The following GSG1L variants were observed in gnomAD, a reference collection of about 807,000 sequenced individuals.
GSG1L encodes germ cell-specific gene 1-like protein.
Under a neutral mutation model 42.1 loss-of-function variants are expected in GSG1L, and 24 were observed. The ratio of observed to expected loss-of-function variants is 0.57; its 90% CI spans 0.41 to 0.80. The LOEUF is 0.80. GSG1L is among the 30% of genes least tolerant of loss of function. The pLI is 0.00. For missense variants in GSG1L, 445 were observed against 472.2 expected (o/e 0.94, Z 0.53); for synonymous variants, 215 against 203.5 (o/e 1.06, Z -0.48).
At chr16:27,869,881 C>G (rs2083791128) in intron 3 of GSG1L, among the ~76,000 whole-genome samples, 2 of 134,958 alleles carry the variant, frequency 1.5e-5, no homozygotes, top group Admixed American at 1.5e-4. Context: ...CTCCATCTCT[C>G]TGTCTCTGTC....
chr16:27,862,068 G>A (rs565107782), intron 3 of GSG1L, among the ~76,000 whole-genome samples: 2 of 152,274 alleles, frequency 1.3e-5, no homozygotes, highest in African/African-American at 2.4e-5. Context: ...CGTTTATTAA[G>A]GTTATGAAGG....
chr16:27,820,765 TC>T (rs2083143032), intron 5 of GSG1L, among the ~76,000 whole-genome samples: 1 of 151,622 alleles, frequency 6.6e-6, no homozygotes, highest in Admixed American at 6.6e-5. Flanking sequence ...CCATCTCCTC[TC>T]TCTTAGAAGA....
intron 2 of GSG1L, among the ~76,000 whole-genome samples, chr16:27,961,118 A>AT (rs2085066022): frequency 6.6e-6 from 1 of 152,244 alleles, no homozygotes; most frequent in Non-Finnish European, 1.5e-5. Flanking sequence ...ACCTGTGCTT[A>AT]TGCACACATG....
At chr16:27,883,471 CT>C (rs1203848983) in intron 3 of GSG1L, among the ~76,000 whole-genome samples, 1 of 152,096 alleles carries the variant, frequency 6.6e-6, no homozygotes, top group Non-Finnish European at 1.5e-5. Flanking sequence ...ACATTTTGAT[CT>C]GTGGCATGTG....
At chr16:27,988,772 G>A (rs1289836826) in intron 1 of GSG1L, among the ~76,000 whole-genome samples, 1 of 149,022 alleles carries the variant, frequency 6.7e-6, no homozygotes, top group Non-Finnish European at 1.5e-5. Flanking sequence ...AAAAAGGAGA[G>A]GGCTGGGCCT....
rs1487849820 is a variant in GSG1L, at chr16:28,040,456, T to A, written c.349+22620A>T. Among the ~76,000 whole-genome samples, 1 of 152,172 alleles carries A rather than the reference T, an allele frequency of 6.6e-6. No homozygotes were observed. Among genetic ancestry groups the A allele is most frequent in the African/African-American group, 2.4e-5 (1 of 41,446 alleles). The stretch of plus-strand genomic sequence containing the variant: ...TGCCTCACCACATACTCCCCCAGAA[T>A]TAATTACGAATTCGGAAGAGTAGAG... On this transcript the variant is annotated intron_variant, in intron 1 of 6. Coordinates refer to ENST00000447459, the MANE Select transcript of GSG1L (RefSeq NM_001109763.2). The surrounding 1 kb of genome is among the most constrained non-coding windows in gnomAD (Gnocchi z 4.1).
chr16:27,927,797 C>T (rs1252590255), intron 2 of GSG1L, among the ~76,000 whole-genome samples: 2 of 152,148 alleles, frequency 1.3e-5, no homozygotes, highest in South Asian at 4.1e-4. Flanking sequence ...CCCTGGCCAC[C>T]CACTGGAGTC....
intron 2 of GSG1L, among the ~76,000 whole-genome samples, chr16:27,952,375 G>T (rs1404744223): frequency 6.6e-6 from 1 of 152,218 alleles, no homozygotes; most frequent in African/African-American, 2.4e-5. Context: ...GTTCCTCTGG[G>T]GGTTTAGGGA....
At chr16:27,898,605 T>G (rs1016928774) in intron 2 of GSG1L, among the ~76,000 whole-genome samples, 3 of 151,950 alleles carry the variant, frequency 2.0e-5, no homozygotes, top group Non-Finnish European at 4.4e-5. Flanking sequence ...CCACTTGACC[T>G]TAGCCAAAAG....
At chr16:28,003,424 C>G (rs550982263) in intron 1 of GSG1L, among the ~76,000 whole-genome samples, 15 of 152,316 alleles carry the variant, frequency 9.8e-5, no homozygotes, top group African/African-American at 3.6e-4. Flanking sequence ...TGCCTGCCTC[C>G]CTCAAACATT....
intron 2 of GSG1L, among the ~76,000 whole-genome samples, chr16:27,953,407 G>A (rs574990705): frequency 1.4e-4 from 21 of 152,188 alleles, no homozygotes; most frequent in South Asian, 2.1e-4. Flanking sequence ...GTTCATTTTC[G>A]TTGCTCTATA....
Position 28,057,296 on chromosome 16 carries a change from G to C in GSG1L, c.349+5780C>G, listed in dbSNP as rs1345002143. On this transcript the variant is annotated intron_variant, in intron 1 of 6. Transcript: ENST00000447459. The stretch of plus-strand genomic sequence containing the variant: ...AGGAGCAGGGGGAGCTGCGGGGCAA[G>C]GTGGGACGCACTGGGTTCTGATTGA... 2.6e-5 allele frequency among the ~76,000 whole-genome samples: 4 copies of C among 152,192 alleles called. No homozygotes were observed. In the East Asian group the frequency reaches 7.7e-4, roughly 29 times the overall value.
At chr16:28,060,859 TAA>T (rs2086332269) in intron 1 of GSG1L, among the ~76,000 whole-genome samples, 1 of 152,256 alleles carries the variant, frequency 6.6e-6, no homozygotes, top group Non-Finnish European at 1.5e-5. Flanking sequence ...GTTTTTTAAA[TAA>T]TTTTCAATTA....
chr16:28,036,078 G>A (rs536099081), intron 1 of GSG1L, among the ~76,000 whole-genome samples: 1 of 152,106 alleles, frequency 6.6e-6, no homozygotes, highest in Non-Finnish European at 1.5e-5. Context: ...CCACCCACAC[G>A]CAAACTCCCC....
At chr16:27,807,998 T>C (rs115253227) in intron 5 of GSG1L, among the ~76,000 whole-genome samples, 183 of 152,320 alleles carry the variant, frequency 1.2e-3, no homozygotes, top group African/African-American at 4.3e-3. Context: ...ATAATGAATA[T>C]AGGGAATTAA....
At chr16:27,964,248 T>A (rs1286089985) in intron 1 of GSG1L, among the ~76,000 whole-genome samples, 1 of 151,418 alleles carries the variant, frequency 6.6e-6, no homozygotes, top group Non-Finnish European at 1.5e-5. Context: ...GAGAATTGCT[T>A]GAACCTGGGA....
chr16:27,940,382 T>A (rs11866702), intron 2 of GSG1L, among the ~76,000 whole-genome samples: 2 of 134,586 alleles, frequency 1.5e-5, no homozygotes, highest in African/African-American at 5.5e-5. Flanking sequence ...TAAATCATGC[T>A]GCTATAAAGA....
chr16:27,968,838 G>A (rs1596661715), intron 1 of GSG1L, among the ~76,000 whole-genome samples: 1 of 152,196 alleles, frequency 6.6e-6, no homozygotes, highest in African/African-American at 2.4e-5. Flanking sequence ...GCTGGGCATG[G>A]CTGCTCACAC....
At chr16:27,974,888 C>A (rs79873975) in intron 1 of GSG1L, among the ~76,000 whole-genome samples, 1 of 151,854 alleles carries the variant, frequency 6.6e-6, no homozygotes, top group African/African-American at 2.4e-5. Flanking sequence ...TGAAGACCGA[C>A]GAGTGAAGAA....
Sources: allele counts gnomAD v4.1 joint callset (sites outside exome capture counted in the v4.1 genomes callset), GRCh38; gene constraint gnomAD v4.1.1; non-coding constraint Gnocchi (gnomAD v3.1); transcripts MANE v1.5; gene names NCBI Gene and HGNC (gene_info 2026-07-23, HGNC 2026-07-21).